The following DIP2A variants were observed in gnomAD, a reference collection of about 807,000 sequenced individuals.
DIP2A encodes the protein DIP2 acetate--CoA ligase A.
In DIP2A, 85 loss-of-function variants were observed where a neutral mutation model predicts 177.4. That is an observed-to-expected ratio of 0.48 (90% CI 0.40 to 0.57). The LOEUF is 0.57. DIP2A is among the 20% of genes least tolerant of loss of function. The probability of loss-of-function intolerance (pLI) is 0.00; values close to 1 mark genes in which losing one functional copy is unlikely to be tolerated. For missense variants in DIP2A, 1,791 were observed against 2,100.2 expected, an observed-to-expected ratio of 0.85 and a Z score of 2.88; for synonymous variants, 886 against 881.8, an observed-to-expected ratio of 1.00 and a Z score of -0.08.
In DIP2A at chr21:46,537,237, A is replaced by G. The variant is rs1601731202; in HGVS notation, c.1656A>G (p.Thr552=). 2.5e-6 allele frequency: 4 copies of G among 1,614,066 alleles called. No homozygotes were observed. In the African/African-American group the frequency reaches 4.0e-5, roughly 16 times the overall value. ...ACGYSEAETL[T]NVLDFKRDAG... ...GTCCACTTGCAGCTGAAACATTAACAAACGTGCTGGATTTCAAAAGGGATG... is the reference window on the plus strand; with the variant it reads ...GTCCACTTGCAGCTGAAACATTAACGAACGTGCTGGATTTCAAAAGGGATG... The change falls in exon 14 of 38, where the codon ACA becomes ACG. Residue 552 remains threonine, a synonymous_variant. Coordinates refer to ENST00000417564, the MANE Select transcript of DIP2A (RefSeq NM_015151.4). The surrounding 1 kb of genome is among the most constrained non-coding windows in gnomAD (Gnocchi z 4.1).
chr21:46,537,298 G>A lies in DIP2A; in HGVS notation c.1707+10G>A, dbSNP rs745543444. 1 of 1,613,956 alleles carries A rather than the reference G, an allele frequency of 6.2e-7. No individual in the cohort carries two copies. The highest frequency in any genetic ancestry group is 8.5e-7 in the Non-Finnish European group (1 of 1,179,830). The stretch of plus-strand genomic sequence containing the variant: ...GCATGGCGTGTTAACAGTGAGTGTT[G>A]TTTGCTGATGACTAACTGTTGGAAC... On this transcript the variant is annotated intron_variant, in intron 14 of 37. Transcript: ENST00000417564. This position sits in a 1 kb window ranked among gnomAD's most constrained non-coding sequence, Gnocchi z 4.1.
intron 20 of DIP2A, chr21:46,546,418 G>A: frequency 1.6e-6 from 1 of 617,324 alleles, no homozygotes; most frequent in Non-Finnish European, 2.1e-6. Context: ...GGAGGGGAGT[G>A]CTCCTGGCAT....
At chr21:46,509,439 AAC>A in intron 7 of DIP2A, 63 bp downstream of exon 7, 1 of 1,548,192 alleles carries the variant, frequency 6.5e-7, no homozygotes, top group South Asian at 1.2e-5. Flanking sequence ...GAAGTTGAGA[AAC>A]ACAGGCAAAT....
rs762485419 is a variant in DIP2A at position 46,554,191 on chromosome 21, C to A, written c.3053C>A (p.Thr1018Asn). The A allele has an allele frequency of 6.2e-7, 1 of 1,613,774 alleles. No homozygotes were observed. The highest frequency in any genetic ancestry group is 1.7e-5 in the Admixed American group (1 of 60,012). The change falls in exon 26 of 38, where the codon ACC (threonine) becomes AAC (asparagine). Residue 1018 changes from threonine (T) to asparagine (N), a missense_variant. Transcript: ENST00000417564. ...TAGGGCACCGTCACAAGCACTGCAA[C>A]CTGTGTCCAGCTGCACAAAAGGGCT... ...NAKGTVTSTA[T>N]CVQLHKRAER...
At chr21:46,549,345 T>G (rs2060182201) in intron 21 of DIP2A, among the ~76,000 whole-genome samples, 1 of 152,218 alleles carries the variant, frequency 6.6e-6, no homozygotes, top group African/African-American at 2.4e-5. Flanking sequence ...ATGTTGAAAT[T>G]TTTAAGATAG....
At chr21:46,477,234 A>C (rs987119922) in intron 1 of DIP2A, among the ~76,000 whole-genome samples, 1 of 152,086 alleles carries the variant, frequency 6.6e-6, no homozygotes, top group East Asian at 1.9e-4. Context: ...TAGAATATCA[A>C]AACTAAAGAT....
At chr21:46,573,270 T>C (rs780475228), downstream of DIP2A, among the ~76,000 whole-genome samples, 2 of 152,086 alleles carry the variant, frequency 1.3e-5, no homozygotes, top group Admixed American at 6.6e-5. Context: ...GGACAGAGAT[T>C]GGCAGAATGG....
chr21:46,534,032 T>C lies in DIP2A; in HGVS notation c.1458T>C (p.Ile486=), dbSNP rs1197802102. 6.2e-7 allele frequency: 1 copy of C among 1,613,790 alleles called. No homozygotes were observed. Among genetic ancestry groups the C allele is most frequent in the South Asian group, 1.1e-5 (1 of 91,042 alleles). ...KGWPPLSWLV[I]DGKHLAKPPK... ...GGCCCCCGCTCTCCTGGCTAGTGAT[T>C]GATGGGAAGCATCTAGCCAAGCCCC... The change falls in exon 12 of 38, where the codon ATT becomes ATC. Residue 486 remains isoleucine, a synonymous_variant. Transcript: ENST00000417564.
intron 8 of DIP2A, among the ~76,000 whole-genome samples, chr21:46,515,105 A>G (rs936205953): frequency 6.6e-6 from 1 of 152,246 alleles, no homozygotes; most frequent in Non-Finnish European, 1.5e-5. Context: ...TAATTCTTTA[A>G]GAAAGGAGCC....
intron 19 of DIP2A, 75 bp downstream of exon 19, chr21:46,545,348 G>C (rs1411890607): frequency 6.6e-7 from 1 of 1,510,732 alleles, no homozygotes; most frequent in Non-Finnish European, 8.9e-7. Flanking sequence ...TGTGCTGGGT[G>C]CTGGGGGATT....
intron 1 of DIP2A, among the ~76,000 whole-genome samples, chr21:46,470,031 T>A (rs1354089052): frequency 1.3e-5 from 2 of 152,222 alleles, no homozygotes; most frequent in African/African-American, 2.4e-5. Context: ...GTGATATACA[T>A]TTATTTAGTA....
intron 9 of DIP2A, among the ~76,000 whole-genome samples, 161 bp from the exon 10 acceptor site, chr21:46,531,966 C>T (rs2059374035): frequency 6.6e-6 from 1 of 152,212 alleles, no homozygotes. Context: ...TCAACTGTCT[C>T]TACTCAGTTA....
intron 10 of DIP2A, 135 bp from the exon 11 acceptor site, chr21:46,533,389 G>T: frequency 8.2e-6 from 8 of 976,008 alleles, no homozygotes; most frequent in Non-Finnish European, 1.1e-5. Flanking sequence ...ATCAATAATG[G>T]GACTGAATTA....
At chr21:46,533,771 A>G in intron 11 of DIP2A, 124 bp downstream of exon 11, 1 of 1,429,082 alleles carries the variant, frequency 7.0e-7, no homozygotes, top group Non-Finnish European at 9.6e-7. Context: ...CCCTTGTTCG[A>G]GTCCTTGGTG....
chr21:46,553,637 G>A (rs2148878783), intron 25 of DIP2A: 1 of 153,502 alleles, frequency 6.5e-6, no homozygotes, highest in African/African-American at 2.4e-5. Context: ...CTGTGGGCAT[G>A]GAAAGTAGTA....
intron 8 of DIP2A, among the ~76,000 whole-genome samples, chr21:46,521,011 G>A (rs1202340287): frequency 6.6e-6 from 1 of 152,110 alleles, no homozygotes; most frequent in Non-Finnish European, 1.5e-5. Context: ...TTACAAAATA[G>A]AATCCCAGGT....
At chr21:46,464,253 C>T (rs555067549) in intron 1 of DIP2A, among the ~76,000 whole-genome samples, 1 of 151,786 alleles carries the variant, frequency 6.6e-6, no homozygotes, top group African/African-American at 2.4e-5. Context: ...ATTAGCCGGG[C>T]GTGGTGGCGT....
intron 5 of DIP2A, among the ~76,000 whole-genome samples, chr21:46,499,948 A>G (rs926683266): frequency 4.6e-5 from 7 of 152,216 alleles, no homozygotes; most frequent in Non-Finnish European, 7.3e-5. Context: ...CTTTTCTGCC[A>G]AAACTGAAAG....
At chr21:46,488,462 TAC>T (rs2056818690) in intron 2 of DIP2A, among the ~76,000 whole-genome samples, 1 of 152,196 alleles carries the variant, frequency 6.6e-6, no homozygotes, top group African/African-American at 2.4e-5. Context: ...TCTGTATGTG[TAC>T]ACAGTTCAGG....
Sources: gnomAD v4.1 joint callset for allele counts (sites outside exome capture counted in the v4.1 genomes callset) on GRCh38, gnomAD v4.1.1 for gene constraint, Gnocchi (gnomAD v3.1) non-coding constraint, MANE v1.5 for transcripts, NCBI Gene and HGNC (gene_info 2026-07-23, HGNC 2026-07-21) for gene names.